LRRC74A: variants seen among roughly 807,000 people sequenced by gnomAD.
LRRC74A encodes leucine rich repeat containing 74A.
LRRC74A carries 44 observed loss-of-function variants against 57.9 expected under a neutral mutation model. The observed-to-expected ratio is 0.76, with a 90% confidence interval of 0.60 to 0.98. The LOEUF is 0.98. Among genes scored for constraint, LRRC74A ranks in the 50% least tolerant of loss-of-function variants. The probability of loss-of-function intolerance (pLI) is 0.00; values close to 1 mark genes in which losing one functional copy is unlikely to be tolerated. For missense variants in LRRC74A, 572 were observed against 574.0 expected (o/e 1.00, Z 0.04); for synonymous variants, 211 against 219.4 (o/e 0.96, Z 0.34).
At chr14:76,830,508 G>A (rs1895895208) in intron 2 of LRRC74A, among the ~76,000 whole-genome samples, 4 of 152,272 alleles carry the variant, frequency 2.6e-5, no homozygotes, top group Admixed American at 2.6e-4. Flanking sequence ...GACCAACTGT[G>A]TGTTATTTGA....
intron 7 of LRRC74A, among the ~76,000 whole-genome samples, chr14:76,851,418 C>T (rs1359248176): frequency 6.6e-6 from 1 of 152,132 alleles, no homozygotes; most frequent in African/African-American, 2.4e-5. Context: ...AGTGCAATGG[C>T]ACCATCTTGG....
rs57472760 is a variant in LRRC74A, at chr14:76,834,181, G to T, written c.340-2026G>T. On this transcript the variant is annotated intron_variant, in intron 3 of 13. Transcript: ENST00000689127. Reference sequence around the variant, plus strand: ...GTGACACAAAATGTGAGATTGCACTGTTTTCCGGGGATGGGAAGAAAGGAG... The same window carrying T: ...GTGACACAAAATGTGAGATTGCACTTTTTTCCGGGGATGGGAAGAAAGGAG... 2.0e-5 allele frequency among the ~76,000 whole-genome samples: 3 copies of T among 152,310 alleles called. No individual in the cohort carries two copies. The East Asian group carries it at 5.8e-4, about 29-fold the overall frequency.
At chr14:76,861,870 G>A (rs999015358) in intron 11 of LRRC74A, among the ~76,000 whole-genome samples, 4 of 152,272 alleles carry the variant, frequency 2.6e-5, no homozygotes, top group Non-Finnish European at 4.4e-5. Flanking sequence ...GTGTGTCCCC[G>A]GGCTGCTTCC....
chr14:76,857,476 G>A lies in LRRC74A; in HGVS notation c.1053+1G>A, dbSNP rs778327241. On this transcript the variant is annotated splice_donor_variant, in intron 10 of 13. Transcript: ENST00000689127. LOFTEE classifies it high-confidence loss of function. ...CAGGATGGAAGAGCTTGATATTTCC[G>A]TAAGTGATCAAATGGTAGTTGCTTG... The A allele has an allele frequency of 1.2e-5, 19 of 1,565,798 alleles. No homozygotes were observed. Among genetic ancestry groups the A allele is most frequent in the South Asian group, 3.5e-5 (3 of 85,516 alleles).
intron 10 of LRRC74A, among the ~76,000 whole-genome samples, chr14:76,859,306 G>A (rs1461720445): frequency 3.9e-5 from 6 of 152,054 alleles, no homozygotes; most frequent in South Asian, 4.1e-4. Flanking sequence ...AGGCCGAGGC[G>A]GGTGGATCAC....
intron 10 of LRRC74A, 64 bp from the exon 11 acceptor site, chr14:76,860,629 A>G (rs558095052): frequency 1.4e-6 from 2 of 1,459,392 alleles, no homozygotes; most frequent in South Asian, 1.3e-5. Flanking sequence ...GGTAGGGTGC[A>G]CTGGTTGGGC....
chr14:76,868,372 A>G (rs780074138), intron 13 of LRRC74A, among the ~76,000 whole-genome samples: 16 of 152,170 alleles, frequency 1.1e-4, no homozygotes, highest in Non-Finnish European at 2.2e-4. Flanking sequence ...GGGAGGCTGA[A>G]GTGGGGTGAT....
chr14:76,836,296 C>A lies in LRRC74A; in HGVS notation c.429C>A (p.Asn143Lys). 1 of 1,611,456 alleles carries A rather than the reference C, an allele frequency of 6.2e-7. No homozygotes were observed. Among genetic ancestry groups the A allele is most frequent in the Non-Finnish European group, 8.5e-7 (1 of 1,177,950 alleles). The change falls in exon 4 of 14, where the codon AAC (asparagine) becomes AAA (lysine). Residue 143 changes from asparagine (N) to lysine (K), a missense_variant. Coordinates refer to ENST00000689127, the MANE Select transcript of LRRC74A (RefSeq NM_001385106.1). ...GCCTGGTGGAGATGCTACAAGAGAACTACTACCTCCAGGAGATGGTACTGT... is the reference window on the plus strand; with the variant it reads ...GCCTGGTGGAGATGCTACAAGAGAAATACTACCTCCAGGAGATGGTACTGT... ...VLSLVEMLQENYYLQEMNISN... is the reference protein window; with the variant it reads ...VLSLVEMLQEKYYLQEMNISN...
intron 5 of LRRC74A, among the ~76,000 whole-genome samples, chr14:76,842,603 C>T (rs966116313): frequency 2.0e-5 from 3 of 152,216 alleles, no homozygotes; most frequent in Non-Finnish European, 4.4e-5. Context: ...CTTATTATCT[C>T]ACTTTATTGC....
chr14:76,846,937 G>A (rs1241833978), intron 7 of LRRC74A, among the ~76,000 whole-genome samples: 1 of 152,168 alleles, frequency 6.6e-6, no homozygotes, highest in African/African-American at 2.4e-5. Context: ...GTATATAGAT[G>A]TATTTAAAAC....
chr14:76,851,605 G>A lies in LRRC74A; in HGVS notation c.677-760G>A, dbSNP rs552904375. Among the ~76,000 whole-genome samples, 115 of 151,854 alleles carry A rather than the reference G, an allele frequency of 7.6e-4. 1 individual carries two copies. The highest frequency in any genetic ancestry group is 2.7e-3 in the African/African-American group (113 of 41,396). ...ACTCCTGACCTCTGGTGATCCACCT[G>A]CCTCGGCCTCCCAAAGTGCTGGGAT... On this transcript the variant is annotated intron_variant, in intron 7 of 13. Transcript: ENST00000689127.
intron 13 of LRRC74A, among the ~76,000 whole-genome samples, chr14:76,868,815 C>T (rs368061102): frequency 1.3e-5 from 2 of 152,266 alleles, no homozygotes; most frequent in African/African-American, 2.4e-5. Flanking sequence ...CAGCCAGACC[C>T]AGCTGCAAGC....
intron 5 of LRRC74A, among the ~76,000 whole-genome samples, chr14:76,843,332 A>T: frequency 6.7e-6 from 1 of 150,348 alleles, no homozygotes. Context: ...AACTTGTTCA[A>T]TATAGATGAT....
At chr14:76,828,564 G>A (rs772463355) in intron 2 of LRRC74A, 145 bp downstream of exon 2, 31 of 1,278,908 alleles carry the variant, frequency 2.4e-5, no homozygotes, top group Middle Eastern at 1.8e-4. Flanking sequence ...AGGCCTGCTC[G>A]ATTTTGCCTG....
chr14:76,857,118 A>G (rs1897956427), intron 9 of LRRC74A, among the ~76,000 whole-genome samples: 1 of 119,290 alleles, frequency 8.4e-6, no homozygotes, highest in Admixed American at 9.3e-5. Flanking sequence ...GGGTAGGTGG[A>G]TAGATGGATG....
chr14:76,853,138 G>T (rs1028742627), intron 8 of LRRC74A, 78 bp from the exon 9 acceptor site: 4 of 1,357,632 alleles, frequency 2.9e-6, no homozygotes, highest in African/African-American at 2.9e-5. Context: ...GCCAACAGGG[G>T]GTAGAAATCG....
At chr14:76,861,351 T>C (rs1397943476) in intron 11 of LRRC74A, among the ~76,000 whole-genome samples, 1 of 152,260 alleles carries the variant, frequency 6.6e-6, no homozygotes, top group East Asian at 1.9e-4. Flanking sequence ...GCGGTCAGGA[T>C]GGCTATTTGG....
intron 1 of LRRC74A, among the ~76,000 whole-genome samples, chr14:76,828,041 G>A (rs1251811682): frequency 2.0e-5 from 3 of 152,218 alleles, no homozygotes; most frequent in Admixed American, 6.5e-5. Context: ...CAGGGAAGGG[G>A]GAAGGAGCAG....
At chr14:76,835,118 A>T (rs1468027185) in intron 3 of LRRC74A, among the ~76,000 whole-genome samples, 1 of 152,178 alleles carries the variant, frequency 6.6e-6, no homozygotes, top group Non-Finnish European at 1.5e-5. Flanking sequence ...GGAAGGGAAG[A>T]TCAAAGTTCT....
Sources: allele counts gnomAD v4.1 joint callset (sites outside exome capture counted in the v4.1 genomes callset), GRCh38; gene constraint gnomAD v4.1.1; transcripts MANE v1.5; gene names NCBI Gene and HGNC (gene_info 2026-07-23, HGNC 2026-07-21).